Variants in DLGAP2 observed in about 807,000 individuals in gnomAD.
DLGAP2 encodes DLG associated protein 2, also known as disks large-associated protein 2.
In DLGAP2, 26 loss-of-function variants were observed where a neutral mutation model predicts 100.3. The ratio of observed to expected loss-of-function variants is 0.26; its 90% confidence interval spans 0.19 to 0.36. The LOEUF (loss-of-function observed/expected upper bound fraction) is 0.36. Among genes scored for constraint, DLGAP2 ranks in the 10% least tolerant of loss-of-function variants. The probability of loss-of-function intolerance (pLI) is 1.00; values close to 1 mark genes in which losing one functional copy is unlikely to be tolerated. For missense variants in DLGAP2, 1,858 were observed against 1,453.2 expected, an observed-to-expected ratio of 1.28 and a Z score of -4.53; for synonymous variants, 886 against 630.1, an observed-to-expected ratio of 1.41 and a Z score of -6.08.
chr8:1,558,285 G>T (rs556095513), intron 5 of DLGAP2, among the ~76,000 whole-genome samples: 2 of 152,208 alleles, frequency 1.3e-5, no homozygotes, highest in African/African-American at 2.4e-5. Context: ...CTTAGATGGG[G>T]GTTTTGTACA....
chr8:1,633,189 C>A, intron 8 of DLGAP2, 143 bp downstream of exon 8: 1 of 744,478 alleles, frequency 1.3e-6, no homozygotes, highest in Non-Finnish European at 2.2e-6. Flanking sequence ...GCATGTGTTA[C>A]ACTGTCACAT....
Position 1,626,812 on chromosome 8 carries a change from C to A in DLGAP2, c.1515C>A (p.Ser505=). ...HSLDPAANYN[S]PKFRSRNQSY... is the part of the protein sequence containing the mutation. The stretch of plus-strand genomic sequence containing the variant: ...TGGACCCCGCTGCGAACTACAACTC[C>A]CCGAAATTCCGCTCCCGGAACCAGA... The change falls in exon 7 of 15, where the codon TCC becomes TCA. Residue 505 remains serine, a synonymous_variant. Transcript: ENST00000637795. The A allele has an allele frequency of 1.9e-6, 3 of 1,604,942 alleles. No homozygotes were observed. Among genetic ancestry groups the A allele is most frequent in the Non-Finnish European group, 1.7e-6 (2 of 1,176,082 alleles).
At chr8:1,316,411 G>A (rs1445628257) in intron 3 of DLGAP2, among the ~76,000 whole-genome samples, 5 of 140,864 alleles carry the variant, frequency 3.5e-5, no homozygotes, top group Non-Finnish European at 7.6e-5. Flanking sequence ...AATAGAGCGT[G>A]TGCGAGTGCA....
intron 1 of DLGAP2, among the ~76,000 whole-genome samples, chr8:862,949 A>G (rs1797420910): frequency 6.6e-6 from 1 of 152,198 alleles, no homozygotes; most frequent in Non-Finnish European, 1.5e-5. Context: ...CACAGAGGAT[A>G]TGGGTTATTT....
intron 2 of DLGAP2, among the ~76,000 whole-genome samples, chr8:912,319 G>A (rs1450627776): frequency 6.6e-6 from 1 of 152,174 alleles, no homozygotes; most frequent in Non-Finnish European, 1.5e-5. Context: ...AAAGTTGGGT[G>A]GAAAGGTTTC....
chr8:860,106 A>C (rs1288037734), intron 1 of DLGAP2, among the ~76,000 whole-genome samples: 1 of 152,144 alleles, frequency 6.6e-6, no homozygotes, highest in Non-Finnish European at 1.5e-5. Flanking sequence ...AAGGATAAAT[A>C]TTTCTGATTT....
intron 1 of DLGAP2, among the ~76,000 whole-genome samples, chr8:889,185 T>C (rs1797984311): frequency 6.6e-6 from 1 of 152,144 alleles, no homozygotes; most frequent in Non-Finnish European, 1.5e-5. Flanking sequence ...TTCACTTCTT[T>C]TGTGGTGAAA....
intron 5 of DLGAP2, among the ~76,000 whole-genome samples, chr8:1,553,296 G>A (rs538469290): frequency 5.1e-4 from 77 of 152,218 alleles, no homozygotes; most frequent in African/African-American, 1.0e-3. Context: ...ACCTGGCGTC[G>A]CCCGGCCGCA....
At chr8:778,584 G>T (rs1229077085) in intron 1 of DLGAP2, among the ~76,000 whole-genome samples, 2 of 152,212 alleles carry the variant, frequency 1.3e-5, no homozygotes, top group African/African-American at 4.8e-5. Context: ...CTCAGCTGCA[G>T]GTCTTTTGGA....
intron 1 of DLGAP2, among the ~76,000 whole-genome samples, chr8:805,011 T>C (rs145278172): frequency 3.3e-5 from 5 of 152,320 alleles, no homozygotes; most frequent in African/African-American, 7.2e-5. Flanking sequence ...GCTCAAGTGA[T>C]TGGCCTGCCT....
chr8:871,411 T>A (rs569438587), intron 1 of DLGAP2, among the ~76,000 whole-genome samples: 2 of 152,384 alleles, frequency 1.3e-5, no homozygotes, highest in Admixed American at 1.3e-4. Flanking sequence ...TCTGACAGGG[T>A]GATCCTGCTT....
At chr8:1,234,562 G>C (rs539032619) in intron 2 of DLGAP2, among the ~76,000 whole-genome samples, 1 of 152,272 alleles carries the variant, frequency 6.6e-6, no homozygotes, top group East Asian at 1.9e-4. Context: ...GTCACATTCT[G>C]AGGTCCTGCA....
At chr8:1,439,644 CAG>C (rs1563150168) in intron 3 of DLGAP2, among the ~76,000 whole-genome samples, 1 of 152,122 alleles carries the variant, frequency 6.6e-6, no homozygotes, top group Non-Finnish European at 1.5e-5. Context: ...ACGGAGTGCG[CAG>C]AGAGACAGGG....
At chr8:1,551,447 C>T (rs924840808) in intron 5 of DLGAP2, among the ~76,000 whole-genome samples, 2 of 152,186 alleles carry the variant, frequency 1.3e-5, no homozygotes, top group African/African-American at 4.8e-5. Context: ...GCCTGCCACT[C>T]TCCCCAAGCC....
At chr8:1,293,230 A>G (rs61248810) in intron 3 of DLGAP2, among the ~76,000 whole-genome samples, 2,951 of 152,130 alleles carry the variant, frequency 0.019, 105 homozygotes, top group African/African-American at 0.066. Context: ...ACACACACAC[A>G]TGGGCCCACA....
chr8:869,200 T>G (rs1324952891), intron 1 of DLGAP2, among the ~76,000 whole-genome samples: 2 of 152,204 alleles, frequency 1.3e-5, no homozygotes, highest in African/African-American at 4.8e-5. Context: ...TCCCTGTGGT[T>G]ACCAACCAGC....
intron 12 of DLGAP2, among the ~76,000 whole-genome samples, chr8:1,681,113 A>C (rs755829322): frequency 2.6e-5 from 4 of 152,186 alleles, no homozygotes; most frequent in Non-Finnish European, 4.4e-5. Context: ...TAGCCCATAA[A>C]ATGCCTATAA....
intron 3 of DLGAP2, among the ~76,000 whole-genome samples, chr8:1,466,446 C>T (rs993586010): frequency 1.3e-5 from 2 of 151,654 alleles, no homozygotes; most frequent in Non-Finnish European, 2.9e-5. Flanking sequence ...TGTGGAGACA[C>T]GGTGGCTCAA....
chr8:1,188,053 C>G (rs35364096), intron 2 of DLGAP2, among the ~76,000 whole-genome samples: 23,292 of 116,056 alleles, frequency 0.2, 2,017 homozygotes, highest in Non-Finnish European at 0.28. Flanking sequence ...CACGGAATCT[C>G]ACACACCCGG....
Sources: allele counts gnomAD v4.1 joint callset (sites outside exome capture counted in the v4.1 genomes callset), GRCh38; gene constraint gnomAD v4.1.1; transcripts MANE v1.5; gene names NCBI Gene and HGNC (gene_info 2026-07-23, HGNC 2026-07-21).